The following XKR5 variants were observed in gnomAD, a reference collection of about 807,000 sequenced individuals.
XKR5 encodes the protein XK related 5, also known as XK-related protein 5.
Under a neutral mutation model 40.8 loss-of-function variants are expected in XKR5, and 46 were observed. The ratio of observed to expected loss-of-function variants is 1.13; its 90% CI spans 0.89 to 1.44. The LOEUF is 1.44. Among genes scored for constraint, XKR5 ranks in the 40% most tolerant of loss-of-function variants. XKR5 has a pLI of 0.00. For missense variants in XKR5, 1,169 were observed against 844.7 expected (o/e 1.38, Z -4.76); for synonymous variants, 466 against 356.1 (o/e 1.31, Z -3.48).
chr8:6,811,471 G>A lies in XKR5; in HGVS notation c.1788C>T (p.Ala596=), dbSNP rs181968311. ...VGLAPFPDTM[A]DISPILGTGP... ...CTGTGCCTAGGATGGGGCTAATGTC[G>A]GCCATGGTGTCGGGGAAGGGCGCCA... The change falls in exon 7 of 7, where the codon GCC becomes GCT. Residue 596 remains alanine, a synonymous_variant. Transcript: ENST00000618742. 2.0e-3 allele frequency: 3,012 copies of A among 1,530,662 alleles called. 21 individuals carry two copies. The highest frequency in any genetic ancestry group is 1.5e-3 in the Non-Finnish European group (1,665 of 1,142,982). 94.8% of individuals were successfully genotyped at this position (1,530,662 alleles called of 1,614,324 possible). A position where few individuals can be genotyped will look rare whatever the true frequency, so the allele number is the denominator to read the frequency against.
chr8:6,832,374 G>T (rs2117122370), intron 2 of XKR5, among the ~76,000 whole-genome samples: 1 of 152,352 alleles, frequency 6.6e-6, no homozygotes, highest in Admixed American at 6.5e-5. Flanking sequence ...AAGGTGACAG[G>T]TGTGCAGATG....
chr8:6,823,663 G>T lies in XKR5; in HGVS notation c.495C>A (p.Gly165=), dbSNP rs1360703150. Residue 165 remains glycine, a synonymous_variant, in exon 4 of 7, where the codon GGC becomes GGA. Coordinates refer to ENST00000618742, the MANE Select transcript of XKR5 (RefSeq NM_207411.5). The part of the protein sequence containing the change: ...WALVSYTRFM[G]FMKPGHLAMP... ...TGGCCAGGTGGCCTGGCTTCATGAA[G>T]CCCATGAAGCGAGTGTAGGACACCA... The T allele has an allele frequency of 6.3e-7, 1 of 1,591,818 alleles. No individual in the cohort carries two copies. Among genetic ancestry groups the T allele is most frequent in the Admixed American group, 1.8e-5 (1 of 56,786 alleles).
At chr8:6,834,619 G>C (rs11989622) in intron 1 of XKR5, among the ~76,000 whole-genome samples, 2 of 151,968 alleles carry the variant, frequency 1.3e-5, no homozygotes, top group African/African-American at 4.9e-5. Context: ...GGACCTGCGG[G>C]GACGCCCGCG....
intron 3 of XKR5, among the ~76,000 whole-genome samples, 190 bp from the exon 4 acceptor site, chr8:6,823,920 TG>T (rs1349151714): frequency 6.6e-6 from 1 of 152,218 alleles, no homozygotes; most frequent in Non-Finnish European, 1.5e-5. Flanking sequence ...CAAATACACC[TG>T]TCTATATTCA....
intron 6 of XKR5, among the ~76,000 whole-genome samples, chr8:6,815,234 T>C (rs1227043801): frequency 1.3e-5 from 2 of 152,166 alleles, no homozygotes; most frequent in African/African-American, 4.8e-5. Flanking sequence ...AGCGAGGTCA[T>C]CACCGTGGGT....
At chr8:6,834,493 T>C (rs151200423) in intron 1 of XKR5, among the ~76,000 whole-genome samples, 1 of 152,158 alleles carries the variant, frequency 6.6e-6, no homozygotes, top group South Asian at 2.1e-4. Context: ...GGAGGACACC[T>C]GGGGTGGGTG....
rs1259583917 is a variant in XKR5 at position 6,810,961 on chromosome 8, C to G, written c.*237G>C. The G allele has an allele frequency of 5.3e-6, 2 of 378,114 alleles. No individual in the cohort carries two copies. The highest frequency in any genetic ancestry group is 4.7e-6 in the Non-Finnish European group (1 of 212,898). The allele number at this position is 378,114 out of a possible 1,614,324, so 23.4% of individuals were successfully genotyped here. On this transcript the variant is annotated 3_prime_UTR_variant, in exon 7 of 7. Coordinates refer to ENST00000618742, the MANE Select transcript of XKR5 (RefSeq NM_207411.5). Reference sequence around the variant, plus strand: ...ACAATTTTGACTGGAATCTCTTTCTCCTCCTCTAAAGTATGTTAGAGTCTC... The same window carrying G: ...ACAATTTTGACTGGAATCTCTTTCTGCTCCTCTAAAGTATGTTAGAGTCTC...
chr8:6,819,300 C>T (rs1804116221), intron 5 of XKR5, among the ~76,000 whole-genome samples: 1 of 152,202 alleles, frequency 6.6e-6, no homozygotes, highest in Admixed American at 6.5e-5. Context: ...GTCCCGGCAC[C>T]CTCCGCAGAA....
At chr8:6,831,419 T>A (rs1804757922) in intron 2 of XKR5, among the ~76,000 whole-genome samples, 1 of 152,170 alleles carries the variant, frequency 6.6e-6, no homozygotes, top group African/African-American at 2.4e-5. Flanking sequence ...GAGGGTCCAG[T>A]GAAACTGAGA....
At chr8:6,827,072 T>C (rs1804522135) in intron 2 of XKR5, among the ~76,000 whole-genome samples, 1 of 152,164 alleles carries the variant, frequency 6.6e-6, no homozygotes, top group African/African-American at 2.4e-5. Context: ...ACCACCTTCC[T>C]TACAACCTGA....
rs981699798 is a variant in XKR5, at chr8:6,817,555, G to T, written c.808-1637C>A. Among the ~76,000 whole-genome samples, 5 of 151,526 alleles carry T rather than the reference G, an allele frequency of 3.3e-5. No individual in the cohort carries two copies. In the East Asian group the frequency reaches 5.9e-4, roughly 18 times the overall value. ...CTGACCGAGTTTCCAGCAGCTCAAGGCCTCACCCCTACGATGCTGACCTCA... is the reference window on the plus strand; with the variant it reads ...CTGACCGAGTTTCCAGCAGCTCAAGTCCTCACCCCTACGATGCTGACCTCA... On this transcript the variant is annotated intron_variant, in intron 5 of 6. Coordinates refer to ENST00000618742, the MANE Select transcript of XKR5 (RefSeq NM_207411.5).
Position 6,811,230 on chromosome 8 carries a change from G to C in XKR5, c.2029C>G (p.Gln677Glu). ...AAAAAACTCGGCTCTTGCTTCATCT[G>C]TTCCCTGCAGCTGCAGTCCGTTTGG... is the stretch of plus-strand genomic sequence containing the variant. ...SIQTDCSCRE[Q>E]MKQEPSFFI The change falls in exon 7 of 7, where the codon CAG becomes GAG. Residue 677 changes from glutamine to glutamate, a missense_variant. Physicochemically the swap from Gln to Glu is conservative, Grantham distance 29. Coordinates refer to ENST00000618742, the MANE Select transcript of XKR5 (RefSeq NM_207411.5). 3.3e-6 allele frequency: 5 copies of C among 1,537,228 alleles called. No individual in the cohort carries two copies. The highest frequency in any genetic ancestry group is 4.4e-6 in the Non-Finnish European group (5 of 1,146,894).
At chr8:6,824,633 T>G (rs1014126798) in intron 3 of XKR5, among the ~76,000 whole-genome samples, 2 of 152,160 alleles carry the variant, frequency 1.3e-5, no homozygotes, top group African/African-American at 2.4e-5. Flanking sequence ...TGGCCTCAAG[T>G]GATGCTACCA....
chr8:6,828,723 G>T (rs1293336812), intron 2 of XKR5, among the ~76,000 whole-genome samples: 2 of 152,158 alleles, frequency 1.3e-5, no homozygotes, highest in Non-Finnish European at 2.9e-5. Flanking sequence ...CAACTCTGTT[G>T]CATTTTATTG....
intron 5 of XKR5, among the ~76,000 whole-genome samples, chr8:6,818,768 G>A (rs1417077421): frequency 6.6e-6 from 1 of 152,224 alleles, no homozygotes; most frequent in Non-Finnish European, 1.5e-5. Context: ...AACCAGCAGG[G>A]CTGAGGCCCA....
intron 4 of XKR5, among the ~76,000 whole-genome samples, chr8:6,823,128 G>A (rs577564719): frequency 4.6e-5 from 7 of 152,206 alleles, no homozygotes; most frequent in African/African-American, 7.2e-5. Flanking sequence ...GCCAGCACGC[G>A]TTCCTTCCTG....
At chr8:6,815,947 C>G (rs1299031838) in intron 5 of XKR5, 29 bp from the exon 6 acceptor site, 2 of 1,536,834 alleles carry the variant, frequency 1.3e-6, no homozygotes, top group South Asian at 1.2e-5. Flanking sequence ...AGGCACCACA[C>G]CTCGTCAGGT....
rs1803674965 is a variant in XKR5 at position 6,811,371 on chromosome 8, GC to G, written c.1887del (p.Leu630TrpfsTer7). The G allele has an allele frequency of 6.5e-7, 1 of 1,537,372 alleles. No homozygotes were observed. Among genetic ancestry groups the G allele is most frequent in the Non-Finnish European group, 8.7e-7 (1 of 1,146,942 alleles). ...TGACTTAGCTCCCTTTTGGGCTCCA[GC>G]GGCTCCTCTAGCTCTGAGATACTGA... ...RTLSISELEE[P>X]LEPKRELSHH... On this transcript the variant is annotated frameshift_variant, in exon 7 of 7. Transcript: ENST00000618742. LOFTEE classifies it low-confidence loss of function (END_TRUNC).
In XKR5 at chr8:6,811,867, G is replaced by T. The variant is rs989834136; in HGVS notation, c.1392C>A (p.Thr464=). The change falls in exon 7 of 7, where the codon ACC becomes ACA. Residue 464 remains threonine, a synonymous_variant. Transcript: ENST00000618742. ...CTTCAAACGCAGAGCTGTTCTCTAA[G>T]GTTGAGGGGTCACGGGATGAGGATG... ...ELPSSSRDPS[T]LENSSAFEGV... The T allele has an allele frequency of 4.6e-6, 7 of 1,537,442 alleles. No individual in the cohort carries two copies. The East Asian group carries it at 1.2e-4, about 27-fold the overall frequency.
Sources: gnomAD v4.1 joint callset for allele counts (sites outside exome capture counted in the v4.1 genomes callset) on GRCh38, gnomAD v4.1.1 for gene constraint, MANE v1.5 for transcripts, NCBI Gene and HGNC (gene_info 2026-07-23, HGNC 2026-07-21) for gene names.